SNX3: variants seen among roughly 807,000 people sequenced by gnomAD.
SNX3 encodes sorting nexin 3.
SNX3 carries 5 observed loss-of-function variants against 17.7 expected under a neutral mutation model. The ratio of observed to expected loss-of-function variants is 0.28; its 90% CI spans 0.15 to 0.59. The LOEUF (loss-of-function observed/expected upper bound fraction) is 0.59, where lower values mean the gene tolerates loss of function less well. Ranked by LOEUF, SNX3 falls within the 20% of genes least tolerant of loss-of-function variation. The probability of loss-of-function intolerance (pLI) is 0.88; values close to 1 mark genes in which losing one functional copy is unlikely to be tolerated. For missense variants in SNX3, 132 were observed against 206.8 expected (o/e 0.64, Z 2.22); for synonymous variants, 91 against 76.5 (o/e 1.19, Z -0.99).
At chr6:108,234,721 A>C (rs1166799190) in intron 1 of SNX3, among the ~76,000 whole-genome samples, 2 of 152,094 alleles carry the variant, frequency 1.3e-5, no homozygotes, top group African/African-American at 4.8e-5. Context: ...TTTATTAAAT[A>C]TATTATCAGT....
At chr6:108,240,644 G>A (rs1437904013) in intron 1 of SNX3, among the ~76,000 whole-genome samples, 2 of 152,200 alleles carry the variant, frequency 1.3e-5, no homozygotes, top group East Asian at 3.8e-4. Context: ...GGGGCCACTG[G>A]TCAGGAGTAG....
intron 1 of SNX3, among the ~76,000 whole-genome samples, chr6:108,233,355 C>G (rs1775227915): frequency 6.6e-6 from 1 of 152,186 alleles, no homozygotes; most frequent in South Asian, 2.1e-4. Flanking sequence ...AGTCTAACAC[C>G]TTTTTTGGAC....
intron 1 of SNX3, among the ~76,000 whole-genome samples, chr6:108,256,240 A>C (rs1445133127): frequency 6.6e-6 from 1 of 152,152 alleles, no homozygotes; most frequent in Non-Finnish European, 1.5e-5. Context: ...CGAAAAAATA[A>C]ATACATACAC....
intron 1 of SNX3, among the ~76,000 whole-genome samples, chr6:108,227,551 A>G (rs902436536): frequency 6.6e-6 from 1 of 152,186 alleles, no homozygotes; most frequent in Admixed American, 6.5e-5. Context: ...CCCTTCTATG[A>G]TTAGCTAATA....
chr6:108,237,068 A>G (rs971137679), intron 1 of SNX3, among the ~76,000 whole-genome samples: 2 of 152,220 alleles, frequency 1.3e-5, no homozygotes, highest in Non-Finnish European at 2.9e-5. Flanking sequence ...AATCCCCTAA[A>G]TAAACCACGG....
Position 108,260,978 on chromosome 6 carries a change from G to A in SNX3, c.-57C>T. 9 of 1,398,024 alleles carry A rather than the reference G, an allele frequency of 6.4e-6. No homozygotes were observed. Among genetic ancestry groups the A allele is most frequent in the Non-Finnish European group, 7.5e-6 (8 of 1,073,492 alleles). 86.6% of individuals were successfully genotyped at this position (1,398,024 alleles called of 1,614,324 possible). A position where few individuals can be genotyped will look rare whatever the true frequency, so the allele number is the denominator to read the frequency against. ...CCCTCCGCCCCCTCCGCGTTCAGCC[G>A]CCGCCGCCGCCGCTGCTGCCCGCCG... On this transcript the variant is annotated 5_prime_UTR_variant, in exon 1 of 4. Transcript: ENST00000230085.
chr6:108,246,716 C>T (rs985051766), intron 1 of SNX3, among the ~76,000 whole-genome samples: 1 of 151,922 alleles, frequency 6.6e-6, no homozygotes, highest in African/African-American at 2.4e-5. Context: ...GTGTTCTCAG[C>T]ATTCTCATCA....
intron 1 of SNX3, among the ~76,000 whole-genome samples, chr6:108,224,528 C>CTAA (rs1774918361): frequency 6.6e-6 from 1 of 152,206 alleles, no homozygotes; most frequent in Non-Finnish European, 1.5e-5. Context: ...GATCTGCCCA[C>CTAA]CTTAGCCTCC....
intron 1 of SNX3, among the ~76,000 whole-genome samples, chr6:108,235,763 G>T (rs560865700): frequency 6.6e-6 from 1 of 152,148 alleles, no homozygotes; most frequent in Non-Finnish European, 1.5e-5. Flanking sequence ...GGGCATGGTG[G>T]TGCATGCCTG....
chr6:108,215,512 T>A (rs1405795059), intron 2 of SNX3, among the ~76,000 whole-genome samples: 1 of 152,210 alleles, frequency 6.6e-6, no homozygotes, highest in Admixed American at 6.5e-5. Context: ...AAATGCCCTA[T>A]CCTGCTGTCT....
At chr6:108,247,342 T>C (rs187527301) in intron 1 of SNX3, among the ~76,000 whole-genome samples, 1 of 152,104 alleles carries the variant, frequency 6.6e-6, no homozygotes, top group East Asian at 1.9e-4. Context: ...TATTGCTAAG[T>C]AAGAATGATG....
At chr6:108,235,652 T>C (rs926482508) in intron 1 of SNX3, among the ~76,000 whole-genome samples, 2 of 152,136 alleles carry the variant, frequency 1.3e-5, no homozygotes, top group African/African-American at 2.4e-5. Flanking sequence ...TCCCAGCATG[T>C]TGGGATGCCG....
chr6:108,257,024 A>T (rs988423496), intron 1 of SNX3, among the ~76,000 whole-genome samples: 6 of 152,232 alleles, frequency 3.9e-5, no homozygotes, highest in Non-Finnish European at 8.8e-5. Context: ...CATCCATATA[A>T]AATTGCCCTG....
intron 3 of SNX3, 77 bp downstream of exon 3, chr6:108,214,421 T>G (rs1774502281): frequency 7.1e-7 from 1 of 1,411,964 alleles, no homozygotes; most frequent in African/African-American, 1.4e-5. Flanking sequence ...AAGGCAACAG[T>G]GCAGTTTAGC....
intron 1 of SNX3, among the ~76,000 whole-genome samples, chr6:108,246,194 G>A (rs926802247): frequency 1.3e-5 from 2 of 151,868 alleles, no homozygotes; most frequent in Admixed American, 1.3e-4. Flanking sequence ...TATTAAATAG[G>A]GAATCCTTTC....
chr6:108,260,656 G>A, intron 1 of SNX3, 104 bp downstream of exon 1: 11 of 1,349,358 alleles, frequency 8.2e-6, no homozygotes, highest in African/African-American at 1.5e-5. Flanking sequence ...GGGGCTCCCG[G>A]CCTGGGAGGC....
At chr6:108,223,361 C>T (rs968124068) in intron 1 of SNX3, among the ~76,000 whole-genome samples, 4 of 152,008 alleles carry the variant, frequency 2.6e-5, no homozygotes, top group African/African-American at 7.3e-5. Context: ...TGGTCTTGAA[C>T]TCCTGACCTC....
rs1021781550 is a variant in SNX3 at position 108,244,647 on chromosome 6, G to GTTTTTTTTTT, written c.162+16103_162+16112dup. Reference sequence around the variant, plus strand: ...TAGTCTATAAGAATATAAGTAAGGAGTTTTTTTTTTTTTTTTTTTTTTTTG... The same window carrying GTTTTTTTTTT: ...TAGTCTATAAGAATATAAGTAAGGAGTTTTTTTTTTTTTTTTTTTTTTTTTTTTTTTTTTG... On this transcript the variant is annotated intron_variant, in intron 1 of 3. Transcript: ENST00000230085. Among the ~76,000 whole-genome samples the GTTTTTTTTTT allele has an allele frequency of 7.0e-4, 61 of 87,224 alleles. 1 individual carries two copies. Among genetic ancestry groups the GTTTTTTTTTT allele is most frequent in the African/African-American group, 9.6e-4 (20 of 20,790 alleles). The allele number at this position is 87,224 out of a possible 152,430, so 57.2% of individuals were successfully genotyped here.
intron 2 of SNX3, 22 bp downstream of exon 2, chr6:108,222,928 T>G (rs762218059): frequency 7.1e-7 from 1 of 1,409,054 alleles, no homozygotes; most frequent in Non-Finnish European, 1.0e-6. Context: ...TGCTTTAAAG[T>G]TGCATCATAA....
Sources: gnomAD v4.1 joint callset for allele counts (sites outside exome capture counted in the v4.1 genomes callset) on GRCh38, gnomAD v4.1.1 for gene constraint, MANE v1.5 for transcripts, NCBI Gene and HGNC (gene_info 2026-07-23, HGNC 2026-07-21) for gene names.